Variants in SORCS3 observed in about 807,000 individuals in gnomAD.
The protein encoded by SORCS3 is sortilin related VPS10 domain containing receptor 3.
A neutral mutation model predicts 146.3 loss-of-function variants in SORCS3; 57 were observed. The ratio of observed to expected loss-of-function variants is 0.39; its 90% CI spans 0.31 to 0.49. The LOEUF (loss-of-function observed/expected upper bound fraction) is 0.49, where lower values mean the gene tolerates loss of function less well. Ranked by LOEUF, SORCS3 falls within the 20% of genes least tolerant of loss-of-function variation. SORCS3 has a pLI of 0.92. For synonymous variants in SORCS3, 653 were observed against 618.5 expected, an observed-to-expected ratio of 1.06 and a Z score of -0.83; for missense variants, 1,341 against 1,575.5, an observed-to-expected ratio of 0.85 and a Z score of 2.52.
At chr10:105,037,147 T>C (rs1425692980) in intron 4 of SORCS3, among the ~76,000 whole-genome samples, 2 of 152,106 alleles carry the variant, frequency 1.3e-5, no homozygotes, top group Non-Finnish European at 2.9e-5. Flanking sequence ...GGAGGCATGA[T>C]GAAAATGCAC....
intron 7 of SORCS3, among the ~76,000 whole-genome samples, chr10:105,115,523 A>T (rs2055887615): frequency 1.3e-5 from 2 of 152,296 alleles, no homozygotes; most frequent in Non-Finnish European, 2.9e-5. Context: ...TGCATGATAA[A>T]AGCTTCCCAC....
At chr10:105,185,417 G>A (rs567490200) in intron 14 of SORCS3, among the ~76,000 whole-genome samples, 4 of 152,216 alleles carry the variant, frequency 2.6e-5, no homozygotes, top group Admixed American at 2.0e-4. Context: ...TGCCCACTTC[G>A]GACAGGGTAT....
chr10:104,670,216 T>C (rs1266472009), intron 1 of SORCS3, among the ~76,000 whole-genome samples: 4 of 152,132 alleles, frequency 2.6e-5, no homozygotes, highest in Admixed American at 1.3e-4. Context: ...TATAAATTTT[T>C]TTAATTTTCA....
At chr10:104,956,173 G>A (rs563780894) in intron 3 of SORCS3, among the ~76,000 whole-genome samples, 10 of 152,300 alleles carry the variant, frequency 6.6e-5, no homozygotes, top group Admixed American at 5.2e-4. Flanking sequence ...GGGGACATGG[G>A]GCTGGAACAT....
At chr10:104,903,567 T>A (rs1168583253) in intron 2 of SORCS3, among the ~76,000 whole-genome samples, 1 of 152,028 alleles carries the variant, frequency 6.6e-6, no homozygotes, top group Non-Finnish European at 1.5e-5. Context: ...TTAACAATAA[T>A]AAAAAAAGGC....
chr10:105,000,055 CTGAATGAA>C lies in SORCS3; in HGVS notation c.954+22591_954+22598del, dbSNP rs10558991. 6.2e-4 allele frequency among the ~76,000 whole-genome samples: 94 copies of C among 150,726 alleles called. 1 individual carries two copies. Among genetic ancestry groups the C allele is most frequent in the Middle Eastern group, 6.8e-3 (2 of 294 alleles). On this transcript the variant is annotated intron_variant, in intron 4 of 26. Transcript: ENST00000369701. ...TCAGCTCTGGTCATGCATTCACCTG[CTGAATGAA>C]TGAATGAATGAATGAATGAATGAAT...
chr10:104,672,180 T>C (rs192251573), intron 1 of SORCS3, among the ~76,000 whole-genome samples: 1 of 152,328 alleles, frequency 6.6e-6, no homozygotes, highest in Admixed American at 6.5e-5. Context: ...ATCTACTTCT[T>C]CATCATTTAG....
intron 2 of SORCS3, among the ~76,000 whole-genome samples, chr10:104,856,435 TATG>T (rs2018332950): frequency 9.5e-6 from 1 of 104,890 alleles, no homozygotes; most frequent in Non-Finnish European, 1.6e-5. Context: ...GATATTATGT[TATG>T]ATTATATGCT....
At chr10:104,960,492 G>C (rs7893226) in intron 3 of SORCS3, among the ~76,000 whole-genome samples, 1,813 of 152,176 alleles carry the variant, frequency 0.012, 33 homozygotes, top group African/African-American at 0.04. Context: ...AGAGTCCCAA[G>C]GTGGCACAGG....
intron 4 of SORCS3, among the ~76,000 whole-genome samples, chr10:105,015,213 G>A (rs2055158040): frequency 6.6e-6 from 1 of 151,668 alleles, no homozygotes; most frequent in Non-Finnish European, 1.5e-5. Context: ...TGGAGAACAA[G>A]CTGGCAGTAC....
intron 4 of SORCS3, among the ~76,000 whole-genome samples, chr10:105,028,006 T>C (rs534428319): frequency 6.6e-6 from 1 of 152,214 alleles, no homozygotes; most frequent in Non-Finnish European, 1.5e-5. Context: ...CAGAGACACG[T>C]AGATACTTAA....
chr10:104,871,545 TG>T (rs752542821), intron 2 of SORCS3, among the ~76,000 whole-genome samples: 1 of 152,204 alleles, frequency 6.6e-6, no homozygotes, highest in Non-Finnish European at 1.5e-5. Context: ...TGAGAATTGG[TG>T]GCTGTATTTA....
chr10:104,892,287 A>AG, intron 2 of SORCS3, among the ~76,000 whole-genome samples: 1 of 152,302 alleles, frequency 6.6e-6, no homozygotes, highest in South Asian at 2.1e-4. Context: ...ATTTTGGCCG[A>AG]GGGTGGAAGT....
intron 2 of SORCS3, among the ~76,000 whole-genome samples, chr10:104,910,774 T>C (rs1176206864): frequency 6.6e-6 from 1 of 152,214 alleles, no homozygotes; most frequent in Non-Finnish European, 1.5e-5. Flanking sequence ...CACACACACG[T>C]GACAGTGGAG....
At chr10:104,719,879 T>C (rs765598232) in intron 1 of SORCS3, among the ~76,000 whole-genome samples, 1 of 152,154 alleles carries the variant, frequency 6.6e-6, no homozygotes, top group Non-Finnish European at 1.5e-5. Context: ...AACAAATGGA[T>C]ATGGATCTGA....
chr10:104,710,851 A>G (rs925648345), intron 1 of SORCS3, among the ~76,000 whole-genome samples: 1 of 152,348 alleles, frequency 6.6e-6, no homozygotes, highest in Middle Eastern at 3.4e-3. Flanking sequence ...AAAAGGCAAC[A>G]TGTGAAGCAT....
At chr10:105,147,462 A>C (rs1441860138) in intron 8 of SORCS3, among the ~76,000 whole-genome samples, 155 bp from the exon 9 acceptor site, 3 of 152,244 alleles carry the variant, frequency 2.0e-5, no homozygotes, top group South Asian at 2.1e-4. Flanking sequence ...TGAAGCTTAT[A>C]ATTTATAGCC....
chr10:104,938,891 A>G (rs1476300522), intron 3 of SORCS3, among the ~76,000 whole-genome samples: 1 of 152,186 alleles, frequency 6.6e-6, no homozygotes, highest in African/African-American at 2.4e-5. Flanking sequence ...GCCACTTGTC[A>G]ATGGTTCTCA....
intron 3 of SORCS3, among the ~76,000 whole-genome samples, chr10:104,974,634 C>T (rs2054883400): frequency 6.6e-6 from 1 of 152,134 alleles, no homozygotes; most frequent in Non-Finnish European, 1.5e-5. Flanking sequence ...ACTGATGGGT[C>T]TTGACTCTTT....
Sources: gnomAD v4.1 joint callset for allele counts (sites outside exome capture counted in the v4.1 genomes callset) on GRCh38, gnomAD v4.1.1 for gene constraint, MANE v1.5 for transcripts, NCBI Gene and HGNC (gene_info 2026-07-23, HGNC 2026-07-21) for gene names.